GRID2: variants seen among roughly 807,000 people sequenced by gnomAD.
GRID2 encodes glutamate receptor ionotropic, delta-2.
Under a neutral mutation model 114.8 loss-of-function variants are expected in GRID2, and 33 were observed. The observed-to-expected ratio is 0.29, with a 90% CI of 0.22 to 0.38. The LOEUF (loss-of-function observed/expected upper bound fraction) is 0.38, where lower values mean the gene tolerates loss of function less well. GRID2 is among the 10% of genes least tolerant of loss of function. The pLI, the probability that GRID2 is intolerant of heterozygous loss-of-function variation, is 1.00. For missense variants in GRID2, 1,184 were observed against 1,257.7 expected, an observed-to-expected ratio of 0.94 and a Z score of 0.89; for synonymous variants, 505 against 449.9, an observed-to-expected ratio of 1.12 and a Z score of -1.55.
At chr4:92,483,353 C>G (rs1006553051) in intron 1 of GRID2, among the ~76,000 whole-genome samples, 1 of 151,890 alleles carries the variant, frequency 6.6e-6, no homozygotes, top group Non-Finnish European at 1.5e-5. Context: ...AATAATAATA[C>G]TAATAATAAT....
chr4:92,483,925 C>CAT (rs1254148196), intron 1 of GRID2, among the ~76,000 whole-genome samples: 2 of 152,106 alleles, frequency 1.3e-5, no homozygotes, highest in Non-Finnish European at 2.9e-5. Flanking sequence ...GGAAATATTG[C>CAT]ATATGAGAAC....
chr4:93,109,526 T>A (rs569127708), intron 3 of GRID2, among the ~76,000 whole-genome samples: 2 of 152,170 alleles, frequency 1.3e-5, no homozygotes, highest in Non-Finnish European at 2.9e-5. Context: ...TACTGCTTTT[T>A]CTGGTTTGTA....
intron 4 of GRID2, among the ~76,000 whole-genome samples, chr4:93,113,793 T>A (rs560709077): frequency 6.6e-6 from 1 of 152,230 alleles, no homozygotes; most frequent in South Asian, 2.1e-4. Flanking sequence ...TTGAAGGAGG[T>A]GCTTCTTGAG....
At chr4:93,676,757 A>G (rs1177316676) in intron 14 of GRID2, among the ~76,000 whole-genome samples, 2 of 151,326 alleles carry the variant, frequency 1.3e-5, no homozygotes, top group Non-Finnish European at 2.9e-5. Context: ...ATATTACAAA[A>G]AAAAAAAAAA....
At chr4:92,598,098 T>C (rs951709946) in intron 2 of GRID2, among the ~76,000 whole-genome samples, 9 of 152,210 alleles carry the variant, frequency 5.9e-5, no homozygotes, top group African/African-American at 2.2e-4. Flanking sequence ...TTGGGACTCA[T>C]GCAATAGTTT....
At chr4:92,830,336 T>A (rs1742018934) in intron 2 of GRID2, among the ~76,000 whole-genome samples, 2 of 151,946 alleles carry the variant, frequency 1.3e-5, no homozygotes, top group Non-Finnish European at 2.9e-5. Context: ...ATGTCTTACT[T>A]CAAAATATTT....
chr4:93,385,240 G>A (rs1441975769), intron 8 of GRID2, among the ~76,000 whole-genome samples: 1 of 152,188 alleles, frequency 6.6e-6, no homozygotes, highest in African/African-American at 2.4e-5. Flanking sequence ...TAAACTGATT[G>A]CAATGGTTGA....
intron 2 of GRID2, among the ~76,000 whole-genome samples, chr4:92,608,407 G>A (rs1579675204): frequency 6.6e-6 from 1 of 151,756 alleles, no homozygotes; most frequent in African/African-American, 2.4e-5. Context: ...CCGCTTCAAA[G>A]GTACAATGCC....
chr4:93,311,195 C>A (rs573698351), intron 8 of GRID2, among the ~76,000 whole-genome samples: 1 of 152,162 alleles, frequency 6.6e-6, no homozygotes, highest in African/African-American at 2.4e-5. Flanking sequence ...GAAGTGCTAG[C>A]AGCTGAAGAG....
intron 2 of GRID2, among the ~76,000 whole-genome samples, chr4:92,829,925 C>T (rs2149397476): frequency 6.6e-6 from 1 of 151,780 alleles, no homozygotes; most frequent in Non-Finnish European, 1.5e-5. Flanking sequence ...CACACGAGGG[C>T]CTGTCAGGGG....
At chr4:92,513,374 G>A (rs1724347678) in intron 1 of GRID2, among the ~76,000 whole-genome samples, 2 of 151,750 alleles carry the variant, frequency 1.3e-5, no homozygotes, top group African/African-American at 2.4e-5. Context: ...TTAATTCTGG[G>A]AACTCTATGC....
intron 11 of GRID2, among the ~76,000 whole-genome samples, chr4:93,457,357 G>A (rs1723304950): frequency 6.6e-6 from 1 of 151,944 alleles, no homozygotes; most frequent in African/African-American, 2.4e-5. Flanking sequence ...TGGAATTTCA[G>A]ACCAAGAAGT....
chr4:92,360,110 T>G (rs1004389554), intron 1 of GRID2, among the ~76,000 whole-genome samples: 3 of 152,038 alleles, frequency 2.0e-5, no homozygotes, highest in Admixed American at 1.3e-4. Context: ...AGGAGAAATA[T>G]TTAATTAAGC....
At chr4:92,377,394 C>T (rs1267181166) in intron 1 of GRID2, among the ~76,000 whole-genome samples, 3 of 152,086 alleles carry the variant, frequency 2.0e-5, no homozygotes, top group East Asian at 3.9e-4. Flanking sequence ...ACTTTATTGT[C>T]CCCATTGCTA....
intron 1 of GRID2, among the ~76,000 whole-genome samples, chr4:92,394,994 C>G (rs1730423959): frequency 6.6e-6 from 1 of 151,460 alleles, no homozygotes; most frequent in African/African-American, 2.4e-5. Flanking sequence ...ATACTTAATT[C>G]TATCCATAAT....
chr4:93,666,660 G>A (rs933858243), intron 14 of GRID2, among the ~76,000 whole-genome samples: 2 of 151,976 alleles, frequency 1.3e-5, no homozygotes, highest in Non-Finnish European at 2.9e-5. Flanking sequence ...TGTTGATATG[G>A]TTTTTCTGCT....
At chr4:92,654,893 T>A (rs1263892292) in intron 2 of GRID2, among the ~76,000 whole-genome samples, 1 of 152,056 alleles carries the variant, frequency 6.6e-6, no homozygotes, top group African/African-American at 2.4e-5. Flanking sequence ...TTGAAGAAGC[T>A]TTTTAGTTGA....
At chr4:93,562,969 T>A (rs772049802) in intron 13 of GRID2, among the ~76,000 whole-genome samples, 1 of 152,006 alleles carries the variant, frequency 6.6e-6, no homozygotes, top group Non-Finnish European at 1.5e-5. Flanking sequence ...AATTGTATCC[T>A]ATGGTAGCTT....
chr4:92,950,925 G>T (rs1446633102), intron 2 of GRID2, among the ~76,000 whole-genome samples: 1 of 152,056 alleles, frequency 6.6e-6, no homozygotes, highest in East Asian at 1.9e-4. Context: ...TCCATTTTCA[G>T]ATTATGTATA....
Sources: allele counts gnomAD v4.1 joint callset (sites outside exome capture counted in the v4.1 genomes callset), GRCh38; gene constraint gnomAD v4.1.1; transcripts MANE v1.5; gene names NCBI Gene and HGNC (gene_info 2026-07-23, HGNC 2026-07-21).